The following GIGYF2 variants were observed in gnomAD, a reference collection of about 807,000 sequenced individuals.
The protein encoded by GIGYF2 is GRB10 interacting GYF protein 2.
GIGYF2 carries 25 observed loss-of-function variants against 208.1 expected under a neutral mutation model. The observed-to-expected ratio is 0.12, with a 90% CI of 0.09 to 0.17. GIGYF2 has a LOEUF of 0.17. Among genes scored for constraint, GIGYF2 ranks in the 10% least tolerant of loss-of-function variants. The pLI, the probability that GIGYF2 is intolerant of heterozygous loss-of-function variation, is 1.00. For synonymous variants in GIGYF2, 534 were observed against 543.8 expected (o/e 0.98, Z 0.25); for missense variants, 1,302 against 1,579.4 (o/e 0.82, Z 2.98).
chr2:232,828,626 A>T (rs968142942), intron 21 of GIGYF2: 2 of 152,120 alleles, frequency 1.3e-5, no homozygotes, highest in African/African-American at 4.8e-5. Flanking sequence ...CTAATTTTTT[A>T]AAAAGTTTTT....
Position 232,761,443 on chromosome 2 carries a change from T to A in GIGYF2, c.532+7T>A, listed in dbSNP as rs1698737654. The A allele has an allele frequency of 1.5e-5, 23 of 1,536,680 alleles. No homozygotes were observed. Among genetic ancestry groups the A allele is most frequent in the Non-Finnish European group, 1.9e-5 (21 of 1,109,926 alleles). On this transcript the variant is annotated splice_region_variant and intron_variant, in intron 8 of 28. Transcript: ENST00000373563. ...CCAGGACGAAAAGATGTAGGTAAGG[T>A]TCTTACCTACACACATAAGGATAAA... is the stretch of plus-strand genomic sequence containing the variant.
At chr2:232,808,262 A>G (rs1027565401) in intron 15 of GIGYF2, among the ~76,000 whole-genome samples, 1 of 152,226 alleles carries the variant, frequency 6.6e-6, no homozygotes, top group Admixed American at 6.5e-5. Flanking sequence ...ATCAAGTTTA[A>G]GCCTTATTTC....
intron 8 of GIGYF2, among the ~76,000 whole-genome samples, chr2:232,762,991 T>A (rs950282696): frequency 2.6e-5 from 4 of 151,908 alleles, no homozygotes; most frequent in Non-Finnish European, 5.9e-5. Context: ...CATTGCACTC[T>A]CTAGCCCAGG....
chr2:232,730,823 G>A (rs866178740), intron 2 of GIGYF2, among the ~76,000 whole-genome samples: 2,079 of 143,348 alleles, frequency 0.015, 60 homozygotes, highest in African/African-American at 0.051. Flanking sequence ...GCGTGAACCC[G>A]GGAGGCGGAG....
intron 22 of GIGYF2, among the ~76,000 whole-genome samples, chr2:232,833,817 A>G (rs1184754341): frequency 1.3e-5 from 2 of 152,250 alleles, no homozygotes; most frequent in Admixed American, 6.5e-5. Context: ...GGCCATAGGC[A>G]TTTATTGAAA....
intron 5 of GIGYF2, among the ~76,000 whole-genome samples, chr2:232,750,213 T>C (rs1698288651): frequency 6.6e-6 from 1 of 151,540 alleles, no homozygotes; most frequent in Middle Eastern, 3.4e-3. Context: ...TGTTGGCATA[T>C]GTCCTTTACT....
intron 5 of GIGYF2, among the ~76,000 whole-genome samples, chr2:232,751,065 G>T (rs1249742409): frequency 6.6e-6 from 1 of 152,114 alleles, no homozygotes; most frequent in African/African-American, 2.4e-5. Context: ...GGCCTCAAGC[G>T]ATTCTCCTAC....
chr2:232,743,594 A>G (rs1341356351), intron 3 of GIGYF2, among the ~76,000 whole-genome samples: 1 of 152,128 alleles, frequency 6.6e-6, no homozygotes, highest in African/African-American at 2.4e-5. Flanking sequence ...CCCAGTGTCT[A>G]TCATTCCCTT....
intron 5 of GIGYF2, among the ~76,000 whole-genome samples, chr2:232,749,356 G>A (rs138323607): frequency 6.6e-6 from 1 of 152,250 alleles, no homozygotes; most frequent in Non-Finnish European, 1.5e-5. Flanking sequence ...TGATTCTTGG[G>A]GAGGGGAGAA....
In GIGYF2 at chr2:232,859,364, C is replaced by A. The variant is rs1690693413; in HGVS notation, c.*2504C>A. 1.3e-5 allele frequency: 2 copies of A among 152,230 alleles called. No homozygotes were observed. The allele number at this position is 152,230 out of a possible 1,614,324, so 9.4% of individuals were successfully genotyped here. A position where few individuals can be genotyped will look rare whatever the true frequency, so the allele number is the denominator to read the frequency against. ...CACACTGGTCTCGAGCCCCTGGGCT[C>A]AAGTGATCCTCCCGCCTCAGCCTCC... On this transcript the variant is annotated 3_prime_UTR_variant, in exon 29 of 29. Transcript: ENST00000373563.
chr2:232,834,924 G>A (rs6732267), intron 22 of GIGYF2, among the ~76,000 whole-genome samples: 3,438 of 152,160 alleles, frequency 0.023, 59 homozygotes, highest in Non-Finnish European at 0.037. Context: ...TGAAGTCCAG[G>A]CTTTTCGTGT....
At chr2:232,802,305 G>A (rs747371370) in intron 14 of GIGYF2, among the ~76,000 whole-genome samples, 3 of 152,006 alleles carry the variant, frequency 2.0e-5, no homozygotes, top group Non-Finnish European at 4.4e-5. Context: ...GGGAAGTGGT[G>A]AAAGTGGGCG....
intron 22 of GIGYF2, among the ~76,000 whole-genome samples, chr2:232,835,691 C>G (rs867680294): frequency 2.6e-5 from 4 of 152,280 alleles, no homozygotes; most frequent in African/African-American, 7.2e-5. Flanking sequence ...CCTCCTCCCC[C>G]CGACCATGTT....
At chr2:232,782,111 G>T (rs1030045335) in intron 8 of GIGYF2, among the ~76,000 whole-genome samples, 2 of 152,140 alleles carry the variant, frequency 1.3e-5, no homozygotes, top group African/African-American at 4.8e-5. Flanking sequence ...CTCTAATTGT[G>T]TTTGTCAGTA....
chr2:232,782,439 G>A (rs1449150487), intron 8 of GIGYF2, among the ~76,000 whole-genome samples: 1 of 152,124 alleles, frequency 6.6e-6, no homozygotes, highest in Admixed American at 6.5e-5. Context: ...CAGTTTTGAT[G>A]CTAAGTATAT....
intron 8 of GIGYF2, chr2:232,771,419 T>G: frequency 2.3e-6 from 3 of 1,290,198 alleles, no homozygotes; most frequent in Non-Finnish European, 3.3e-6. Flanking sequence ...AACTGTTTTA[T>G]AGTTAATGTT....
At chr2:232,727,028 G>C in intron 2 of GIGYF2, among the ~76,000 whole-genome samples, 1 of 152,278 alleles carries the variant, frequency 6.6e-6, no homozygotes, top group East Asian at 1.9e-4. Context: ...GCAGTGGCAC[G>C]ATGTCAGCTC....
At chr2:232,798,930 C>A (rs1400416368) in intron 14 of GIGYF2, among the ~76,000 whole-genome samples, 1 of 150,168 alleles carries the variant, frequency 6.7e-6, no homozygotes, top group Non-Finnish European at 1.5e-5. Flanking sequence ...AACAATAGTT[C>A]CTCATTTCCT....
chr2:232,839,724 G>A, intron 22 of GIGYF2, 125 bp from the exon 23 acceptor site: 1 of 996,686 alleles, frequency 1.0e-6, no homozygotes, highest in Non-Finnish European at 1.6e-6. Flanking sequence ...AAGGAAATTT[G>A]AATTGAATGT....
Sources: allele counts gnomAD v4.1 joint callset (sites outside exome capture counted in the v4.1 genomes callset), GRCh38; gene constraint gnomAD v4.1.1; transcripts MANE v1.5; gene names NCBI Gene and HGNC (gene_info 2026-07-23, HGNC 2026-07-21).